CYP2C18: variants seen among roughly 807,000 people sequenced by gnomAD.
CYP2C18 encodes cytochrome P450 2C18.
A neutral mutation model predicts 41.3 loss-of-function variants in CYP2C18; 38 were observed. That is an observed-to-expected ratio of 0.92 (90% confidence interval 0.71 to 1.21). The LOEUF is 1.21. Ranked by LOEUF, CYP2C18 falls within the 50% of genes most tolerant of loss-of-function variation. CYP2C18 has a pLI of 0.00. For synonymous variants in CYP2C18, 236 were observed against 210.0 expected, an observed-to-expected ratio of 1.12 and a Z score of -1.07; for missense variants, 635 against 591.4, an observed-to-expected ratio of 1.07 and a Z score of -0.77.
intron 5 of CYP2C18, 62 bp from the exon 6 acceptor site, chr10:94,720,334 T>C (rs1301216206): frequency 6.8e-7 from 1 of 1,460,468 alleles, no homozygotes; most frequent in Non-Finnish European, 9.2e-7. Context: ...ATATTTTGGA[T>C]TTTTTGTAAT....
At chr10:94,725,357 C>T (rs746656899) in intron 7 of CYP2C18, among the ~76,000 whole-genome samples, 11 of 151,828 alleles carry the variant, frequency 7.2e-5, no homozygotes, top group Non-Finnish European at 1.5e-4. Context: ...CTTGGCATTG[C>T]TAATTTTTTG....
At chr10:94,725,234 C>G (rs993754604) in intron 7 of CYP2C18, among the ~76,000 whole-genome samples, 2 of 151,222 alleles carry the variant, frequency 1.3e-5, no homozygotes, top group Non-Finnish European at 3.0e-5. Context: ...GCCACTGCAC[C>G]TGGCTTTTAA....
At chr10:94,695,175 G>C in intron 4 of CYP2C18, 98 bp downstream of exon 4, 1 of 1,140,196 alleles carries the variant, frequency 8.8e-7, no homozygotes, top group Non-Finnish European at 1.2e-6. Flanking sequence ...TAAGTTCTGG[G>C]ATATGTGTGC....
chr10:94,725,983 C>T (rs930640884), intron 7 of CYP2C18, among the ~76,000 whole-genome samples: 1 of 152,046 alleles, frequency 6.6e-6, no homozygotes, highest in South Asian at 2.1e-4. Flanking sequence ...TCTCCCTTCT[C>T]TATTCTTTTT....
intron 5 of CYP2C18, among the ~76,000 whole-genome samples, chr10:94,711,331 A>G (rs888423936): frequency 1.3e-5 from 2 of 151,932 alleles, no homozygotes; most frequent in East Asian, 1.9e-4. Flanking sequence ...TTTCTCCATA[A>G]TCTTGGATAT....
chr10:94,723,860 A>G (rs1007832039), intron 6 of CYP2C18, among the ~76,000 whole-genome samples: 6 of 152,206 alleles, frequency 3.9e-5, no homozygotes, highest in Admixed American at 1.3e-4. Flanking sequence ...ATGTTTCAAC[A>G]TAGTCACCTT....
intron 3 of CYP2C18, among the ~76,000 whole-genome samples, chr10:94,691,045 G>A (rs1050946396): frequency 2.0e-5 from 3 of 152,154 alleles, no homozygotes; most frequent in African/African-American, 7.2e-5. Flanking sequence ...AGCTATCTAT[G>A]ACAAGCCCAC....
At chr10:94,707,097 G>A (rs1455647872) in intron 5 of CYP2C18, 137 bp downstream of exon 5, 4 of 545,698 alleles carry the variant, frequency 7.3e-6, no homozygotes, top group Non-Finnish European at 1.2e-5. Context: ...GAAGCACCAT[G>A]GAGAATTTAT....
intron 5 of CYP2C18, among the ~76,000 whole-genome samples, chr10:94,719,975 G>A (rs1395997704): frequency 3.3e-5 from 5 of 152,066 alleles, no homozygotes; most frequent in African/African-American, 9.7e-5. Flanking sequence ...GCATCCCAAA[G>A]TGTTGGGATT....
intron 5 of CYP2C18, among the ~76,000 whole-genome samples, chr10:94,718,257 A>C (rs1222965339): frequency 6.6e-6 from 1 of 151,958 alleles, no homozygotes; most frequent in African/African-American, 2.4e-5. Context: ...TTTGTTGTTA[A>C]TGTGTTGAAA....
chr10:94,714,471 A>G (rs1847503177), intron 5 of CYP2C18, among the ~76,000 whole-genome samples: 1 of 152,176 alleles, frequency 6.6e-6, no homozygotes, highest in Admixed American at 6.5e-5. Flanking sequence ...CAGGTTTGTC[A>G]AAGATCAGAT....
intron 5 of CYP2C18, among the ~76,000 whole-genome samples, chr10:94,708,284 T>G (rs746484286): frequency 2.0e-5 from 3 of 152,184 alleles, no homozygotes; most frequent in Non-Finnish European, 4.4e-5. Context: ...ATTTGTACTC[T>G]CCACCTTCTC....
intron 8 of CYP2C18, 101 bp downstream of exon 8, chr10:94,733,539 C>G: frequency 6.4e-7 from 1 of 1,554,528 alleles, no homozygotes. Flanking sequence ...GGCTGAATTG[C>G]TTTGCAGATC....
chr10:94,686,560 T>C (rs1041234659), intron 1 of CYP2C18, among the ~76,000 whole-genome samples: 2 of 152,202 alleles, frequency 1.3e-5, no homozygotes, highest in African/African-American at 4.8e-5. Context: ...TTGCCACATA[T>C]AACCGTTAAT....
intron 7 of CYP2C18, among the ~76,000 whole-genome samples, chr10:94,724,767 T>G (rs919005664): frequency 4.8e-5 from 3 of 62,546 alleles, no homozygotes; most frequent in South Asian, 7.8e-4. Flanking sequence ...TATTTTTTTT[T>G]TGTGGCTATT....
intron 4 of CYP2C18, among the ~76,000 whole-genome samples, chr10:94,695,939 G>A (rs895148014): frequency 6.6e-6 from 1 of 152,158 alleles, no homozygotes; most frequent in African/African-American, 2.4e-5. Context: ...TGGGGGAGGG[G>A]GGCCTGCCAT....
rs572293028 is a variant in CYP2C18 at position 94,725,778 on chromosome 10, T to G, written c.1149+1245T>G. Among the ~76,000 whole-genome samples the G allele has an allele frequency of 5.3e-5, 8 of 152,238 alleles. No homozygotes were observed. The East Asian group carries it at 1.2e-3, about 22-fold the overall frequency. On this transcript the variant is annotated intron_variant, in intron 7 of 8. Coordinates refer to ENST00000285979, the MANE Select transcript of CYP2C18 (RefSeq NM_000772.3). ...ATATTAGTTAAAATACACACAAATG[T>G]GCACACAGAGACATACACAGCTGGG...
intron 3 of CYP2C18, among the ~76,000 whole-genome samples, chr10:94,693,731 A>G (rs1478303166): frequency 6.6e-6 from 1 of 152,168 alleles, no homozygotes; most frequent in Non-Finnish European, 1.5e-5. Context: ...GCAGTTAACT[A>G]AACAGGGTCC....
intron 4 of CYP2C18, among the ~76,000 whole-genome samples, chr10:94,698,560 A>C (rs1423073784): frequency 6.6e-6 from 1 of 152,200 alleles, no homozygotes; most frequent in Non-Finnish European, 1.5e-5. Context: ...CTAACATCAC[A>C]ATTTAAAAAA....
Sources: allele counts gnomAD v4.1 joint callset (sites outside exome capture counted in the v4.1 genomes callset), GRCh38; gene constraint gnomAD v4.1.1; transcripts MANE v1.5; gene names NCBI Gene and HGNC (gene_info 2026-07-23, HGNC 2026-07-21).